SLIT3: variants seen among roughly 807,000 people sequenced by gnomAD.
SLIT3 encodes the protein slit homolog 3 protein.
In SLIT3, 68 loss-of-function variants were observed where a neutral mutation model predicts 184.0. The ratio of observed to expected loss-of-function variants is 0.37; its 90% confidence interval spans 0.30 to 0.45. SLIT3 has a LOEUF of 0.45. Ranked by LOEUF, SLIT3 falls within the 20% of genes least tolerant of loss-of-function variation. SLIT3 has a pLI of 1.00. For missense variants in SLIT3, 1,707 were observed against 2,026.0 expected, an observed-to-expected ratio of 0.84 and a Z score of 3.02; for synonymous variants, 831 against 828.6, an observed-to-expected ratio of 1.00 and a Z score of -0.05.
At chr5:168,826,607 AT>A (rs1757713026) in intron 6 of SLIT3, among the ~76,000 whole-genome samples, 1 of 152,160 alleles carries the variant, frequency 6.6e-6, no homozygotes, top group African/African-American at 2.4e-5. Flanking sequence ...TCTTAATCTC[AT>A]TACGTTTCCT....
At chr5:168,732,130 T>C (rs1360938303) in intron 20 of SLIT3, among the ~76,000 whole-genome samples, 1 of 152,078 alleles carries the variant, frequency 6.6e-6, no homozygotes, top group Non-Finnish European at 1.5e-5. Context: ...TAGAAATTAG[T>C]AGCATTCCTA....
intron 5 of SLIT3, among the ~76,000 whole-genome samples, chr5:168,875,124 G>A (rs1759683687): frequency 6.8e-6 from 1 of 148,116 alleles, no homozygotes; most frequent in African/African-American, 2.5e-5. Context: ...AAGGAGGGAG[G>A]GAGAAAGAAT....
At chr5:169,257,714 G>T (rs1379577386) in intron 1 of SLIT3, among the ~76,000 whole-genome samples, 1 of 151,376 alleles carries the variant, frequency 6.6e-6, no homozygotes, top group Non-Finnish European at 1.5e-5. Context: ...CACCACGCCT[G>T]GCTAATTTTT....
chr5:168,940,529 T>G (rs2113204075), intron 4 of SLIT3, among the ~76,000 whole-genome samples: 1 of 152,184 alleles, frequency 6.6e-6, no homozygotes, highest in Admixed American at 6.5e-5. Context: ...TAAAAAACAT[T>G]TAGAGCAACT....
chr5:169,075,639 G>C (rs34264632), intron 4 of SLIT3, among the ~76,000 whole-genome samples: 2 of 152,210 alleles, frequency 1.3e-5, no homozygotes, highest in Non-Finnish European at 2.9e-5. Flanking sequence ...CAACATTCTA[G>C]GTGGAAGCAA....
intron 6 of SLIT3, among the ~76,000 whole-genome samples, chr5:168,842,777 G>A (rs1003523067): frequency 6.6e-6 from 1 of 152,196 alleles, no homozygotes; most frequent in Non-Finnish European, 1.5e-5. Context: ...GAGAATGACC[G>A]TGAGGGCTGT....
intron 12 of SLIT3, among the ~76,000 whole-genome samples, chr5:168,775,518 C>T (rs776628713): frequency 2.7e-5 from 4 of 148,350 alleles, no homozygotes; most frequent in Admixed American, 6.6e-5. Flanking sequence ...ACTCCATTAT[C>T]GTCTCTCACA....
intron 4 of SLIT3, among the ~76,000 whole-genome samples, chr5:169,085,767 T>C (rs1296871520): frequency 6.6e-6 from 1 of 152,154 alleles, no homozygotes; most frequent in Non-Finnish European, 1.5e-5. Flanking sequence ...TCTGGAGTAA[T>C]GAAAGGTCCA....
rs141972491 is a variant in SLIT3 at position 169,124,658 on chromosome 5, G to A, written c.413+68821C>T. ...TAAAGAAAGAAGTTAAATGTTTATC[G>A]TTTCAAGGAAATAAGTTGGAAAACA... On this transcript the variant is annotated intron_variant, in intron 4 of 35. Coordinates refer to ENST00000519560, the MANE Select transcript of SLIT3 (RefSeq NM_003062.4). 2.5e-4 allele frequency among the ~76,000 whole-genome samples: 38 copies of A among 152,238 alleles called. No homozygotes were observed. In the East Asian group the frequency reaches 5.2e-3, roughly 21 times the overall value.
At chr5:169,039,789 C>A (rs927257095) in intron 4 of SLIT3, among the ~76,000 whole-genome samples, 4 of 152,192 alleles carry the variant, frequency 2.6e-5, no homozygotes, top group African/African-American at 9.6e-5. Flanking sequence ...CTCCTTATCA[C>A]GTGATACAGT....
chr5:169,028,288 G>A (rs1349914397), intron 4 of SLIT3, among the ~76,000 whole-genome samples: 1 of 152,114 alleles, frequency 6.6e-6, no homozygotes, highest in Admixed American at 6.5e-5. Flanking sequence ...AGCTCAGGGG[G>A]ACTTGAACTA....
At chr5:168,968,744 G>A (rs531378587) in intron 4 of SLIT3, among the ~76,000 whole-genome samples, 2 of 152,112 alleles carry the variant, frequency 1.3e-5, no homozygotes, top group Non-Finnish European at 2.9e-5. Context: ...CACCTCTGTA[G>A]GTCTTTGCCC....
intron 4 of SLIT3, among the ~76,000 whole-genome samples, chr5:168,935,343 G>T (rs1426556634): frequency 1.3e-5 from 2 of 151,882 alleles, no homozygotes; most frequent in East Asian, 3.9e-4. Flanking sequence ...GTGCATTGAG[G>T]GCCTCTGGCC....
chr5:169,148,015 T>C (rs959981079), intron 4 of SLIT3, among the ~76,000 whole-genome samples: 2 of 152,152 alleles, frequency 1.3e-5, no homozygotes, highest in African/African-American at 4.8e-5. Context: ...TCCTGTCTGT[T>C]TTTGCAGGTC....
chr5:169,163,561 T>C lies in SLIT3; in HGVS notation c.413+29918A>G, dbSNP rs139627711. ...GGCTCCCTTTTCCCTAGTGTCTCTC[T>C]AGAGGAACAACCAAAATGCAACTTA... On this transcript the variant is annotated intron_variant, in intron 4 of 35. Coordinates refer to ENST00000519560, the MANE Select transcript of SLIT3 (RefSeq NM_003062.4). 2.6e-5 allele frequency among the ~76,000 whole-genome samples: 4 copies of C among 152,238 alleles called. No homozygotes were observed. In the East Asian group the frequency reaches 7.7e-4, roughly 29 times the overall value.
intron 4 of SLIT3, among the ~76,000 whole-genome samples, chr5:169,136,830 C>T (rs1396064585): frequency 6.6e-6 from 1 of 152,154 alleles, no homozygotes; most frequent in Non-Finnish European, 1.5e-5. Flanking sequence ...CTGGGACCCA[C>T]TTCTGCTTTT....
intron 3 of SLIT3, among the ~76,000 whole-genome samples, chr5:169,202,750 T>C (rs971923973): frequency 6.6e-6 from 1 of 152,004 alleles, no homozygotes; most frequent in Non-Finnish European, 1.5e-5. Flanking sequence ...GAGATCCAGC[T>C]CAGGACTCAA....
intron 16 of SLIT3, among the ~76,000 whole-genome samples, chr5:168,757,517 T>C (rs1047048882): frequency 3.5e-4 from 53 of 152,186 alleles, no homozygotes; most frequent in African/African-American, 1.3e-3. Flanking sequence ...CACTGGAAGC[T>C]CCGCCTCCCA....
At chr5:169,033,577 CTT>C (rs1436046143) in intron 4 of SLIT3, among the ~76,000 whole-genome samples, 1 of 152,166 alleles carries the variant, frequency 6.6e-6, no homozygotes, top group Non-Finnish European at 1.5e-5. Context: ...CAAGGGTTCT[CTT>C]TTCTTCATAC....
Sources: gnomAD v4.1 joint callset for allele counts (sites outside exome capture counted in the v4.1 genomes callset) on GRCh38, gnomAD v4.1.1 for gene constraint, MANE v1.5 for transcripts, NCBI Gene and HGNC (gene_info 2026-07-23, HGNC 2026-07-21) for gene names.